Variants in KHDRBS2 observed in about 807,000 individuals in gnomAD.
The protein encoded by KHDRBS2 is KH RNA binding domain containing, signal transduction associated 2, also known as KH domain-containing, RNA-binding, signal transduction-associated protein 2.
Under a neutral mutation model 44.3 loss-of-function variants are expected in KHDRBS2, and 26 were observed. That is an observed-to-expected ratio of 0.59 (90% CI 0.43 to 0.81). The LOEUF (loss-of-function observed/expected upper bound fraction) is 0.81. KHDRBS2 is among the 40% of genes least tolerant of loss of function. KHDRBS2 has a pLI of 0.00. For synonymous variants in KHDRBS2, 194 were observed against 151.1 expected (o/e 1.28, Z -2.08); for missense variants, 476 against 433.1 (o/e 1.10, Z -0.88).
intron 1 of KHDRBS2, among the ~76,000 whole-genome samples, chr6:62,184,225 G>A (rs1822965357): frequency 6.6e-6 from 1 of 151,542 alleles, no homozygotes; most frequent in Middle Eastern, 3.4e-3. Flanking sequence ...CAGAATAAAA[G>A]GGCAAATAGA....
At chr6:61,863,134 C>T (rs934974957) in intron 6 of KHDRBS2, among the ~76,000 whole-genome samples, 3 of 151,948 alleles carry the variant, frequency 2.0e-5, no homozygotes, top group African/African-American at 7.2e-5. Flanking sequence ...GACAATATCC[C>T]CCTTACCATT....
the KHDRBS2 span, among the ~76,000 whole-genome samples, chr6:61,621,992 C>T: frequency 6.6e-6 from 1 of 152,160 alleles, no homozygotes; most frequent in East Asian, 1.9e-4. Flanking sequence ...TATAATTCAT[C>T]ACAGCCTGAA....
At chr6:61,664,928 T>C in the KHDRBS2 span, among the ~76,000 whole-genome samples, 1 of 151,636 alleles carries the variant, frequency 6.6e-6, no homozygotes, top group African/African-American at 2.4e-5. Context: ...GGCTGAGCAA[T>C]TAACTTACTT....
At chr6:62,003,172 T>G (rs1292552146) in intron 3 of KHDRBS2, among the ~76,000 whole-genome samples, 1 of 152,024 alleles carries the variant, frequency 6.6e-6, no homozygotes, top group Non-Finnish European at 1.5e-5. Flanking sequence ...GGGTTTCTAG[T>G]CCCAGCTGAG....
At chr6:61,727,674 A>C (rs1181159796) in intron 7 of KHDRBS2, among the ~76,000 whole-genome samples, 1 of 152,190 alleles carries the variant, frequency 6.6e-6, no homozygotes, top group African/African-American at 2.4e-5. Flanking sequence ...ACTAACAAAC[A>C]TGAAAAAAGC....
intron 6 of KHDRBS2, among the ~76,000 whole-genome samples, chr6:61,824,926 T>A (rs1441360487): frequency 6.6e-6 from 1 of 152,144 alleles, no homozygotes; most frequent in Non-Finnish European, 1.5e-5. Context: ...GTCATTCAAA[T>A]GGCTAATTGT....
chr6:62,005,922 A>G (rs1181541309), intron 3 of KHDRBS2, among the ~76,000 whole-genome samples: 1 of 152,034 alleles, frequency 6.6e-6, no homozygotes, highest in African/African-American at 2.4e-5. Context: ...AACATTGACG[A>G]AATTATACCA....
intron 1 of KHDRBS2, among the ~76,000 whole-genome samples, chr6:62,189,639 T>C (rs1441258725): frequency 6.6e-6 from 1 of 151,922 alleles, no homozygotes; most frequent in Admixed American, 6.6e-5. Context: ...CTAGACCAGG[T>C]GAGATATGAT....
chr6:61,561,759 G>T, the KHDRBS2 span, among the ~76,000 whole-genome samples: 1 of 152,116 alleles, frequency 6.6e-6, no homozygotes, highest in South Asian at 2.1e-4. Flanking sequence ...CTCCTCTCTG[G>T]CCCAGGATAG....
chr6:62,035,856 A>T (rs1448730013), intron 3 of KHDRBS2, among the ~76,000 whole-genome samples: 1 of 152,056 alleles, frequency 6.6e-6, no homozygotes, highest in Non-Finnish European at 1.5e-5. Context: ...ACTAATGGTC[A>T]AACAGGGAAC....
At chr6:61,858,601 T>C (rs1796477440) in intron 6 of KHDRBS2, among the ~76,000 whole-genome samples, 1 of 152,002 alleles carries the variant, frequency 6.6e-6, no homozygotes, top group Non-Finnish European at 1.5e-5. Flanking sequence ...CCTATTTTAC[T>C]GTATCAATTT....
At chr6:62,084,658 T>C (rs1338435009) in intron 2 of KHDRBS2, among the ~76,000 whole-genome samples, 1 of 152,114 alleles carries the variant, frequency 6.6e-6, no homozygotes, top group African/African-American at 2.4e-5. Context: ...AATAAAGATA[T>C]TTTTAGGGTA....
intron 3 of KHDRBS2, among the ~76,000 whole-genome samples, chr6:62,023,520 A>G (rs1314376734): frequency 2.0e-5 from 3 of 151,618 alleles, no homozygotes; most frequent in Non-Finnish European, 4.4e-5. Flanking sequence ...CCAAACAATA[A>G]TTTATGTGGA....
At chr6:61,849,068 G>C (rs1795066406) in intron 6 of KHDRBS2, among the ~76,000 whole-genome samples, 1 of 151,990 alleles carries the variant, frequency 6.6e-6, no homozygotes, top group South Asian at 2.1e-4. Flanking sequence ...TTTCTCCTGA[G>C]TTTGCTTGTT....
intron 1 of KHDRBS2, among the ~76,000 whole-genome samples, chr6:62,242,800 T>C (rs2076165644): frequency 6.6e-6 from 1 of 152,190 alleles, no homozygotes; most frequent in South Asian, 2.1e-4. Context: ...CTTTTCTTGT[T>C]TCTTTAAAGA....
chr6:62,086,391 G>C (rs1052085660), intron 2 of KHDRBS2, among the ~76,000 whole-genome samples: 1 of 152,118 alleles, frequency 6.6e-6, no homozygotes, highest in Non-Finnish European at 1.5e-5. Context: ...ATTTAATTAA[G>C]CAAGACAGTG....
chr6:61,856,813 C>T (rs1039790464), intron 6 of KHDRBS2, among the ~76,000 whole-genome samples: 1 of 151,922 alleles, frequency 6.6e-6, no homozygotes, highest in African/African-American at 2.4e-5. Context: ...TTAAAGAGGT[C>T]AAGGCATATC....
chr6:61,884,227 G>A (rs937941557), intron 6 of KHDRBS2, among the ~76,000 whole-genome samples: 1 of 152,034 alleles, frequency 6.6e-6, no homozygotes, highest in Admixed American at 6.6e-5. Flanking sequence ...TGATAGGATA[G>A]GCTGGAATGC....
At chr6:62,076,986 C>A (rs1227509114) in intron 2 of KHDRBS2, among the ~76,000 whole-genome samples, 1 of 151,830 alleles carries the variant, frequency 6.6e-6, no homozygotes, top group Admixed American at 6.6e-5. Flanking sequence ...TTGAAGACTG[C>A]AATGAACTAT....
Sources: allele counts gnomAD v4.1 joint callset (sites outside exome capture counted in the v4.1 genomes callset), GRCh38; gene constraint gnomAD v4.1.1; transcripts MANE v1.5; gene names NCBI Gene and HGNC (gene_info 2026-07-23, HGNC 2026-07-21).